Variants in MYO3B observed in about 807,000 individuals in gnomAD.
MYO3B encodes myosin-IIIb.
Under a neutral mutation model 174.6 loss-of-function variants are expected in MYO3B, and 156 were observed. The ratio of observed to expected loss-of-function variants is 0.89; its 90% CI spans 0.78 to 1.02. MYO3B has a LOEUF of 1.02. Ranked by LOEUF, MYO3B falls within the 50% of genes least tolerant of loss-of-function variation. The pLI, the probability that MYO3B is intolerant of heterozygous loss-of-function variation, is 0.00. For synonymous variants in MYO3B, 563 were observed against 569.1 expected (o/e 0.99, Z 0.15); for missense variants, 1,632 against 1,639.4 (o/e 1.00, Z 0.08).
chr2:170,324,323 G>A (rs962153703), intron 7 of MYO3B, among the ~76,000 whole-genome samples: 36 of 152,120 alleles, frequency 2.4e-4, no homozygotes, highest in Non-Finnish European at 1.3e-4. Context: ...TTTACAAAAG[G>A]ATGCCTCACA....
At chr2:170,317,879 C>T (rs2093786995) in intron 7 of MYO3B, among the ~76,000 whole-genome samples, 1 of 152,152 alleles carries the variant, frequency 6.6e-6, no homozygotes, top group Admixed American at 6.5e-5. Flanking sequence ...AAAATCTTCA[C>T]CATTTTCTAA....
intron 22 of MYO3B, among the ~76,000 whole-genome samples, chr2:170,416,855 G>A (rs113011657): frequency 0.17 from 22,631 of 133,316 alleles, 2,460 homozygotes; most frequent in East Asian, 0.55. Context: ...ACGGAGTCTC[G>A]CTCTGTTGCC....
chr2:170,276,138 G>A (rs772101456), intron 7 of MYO3B, among the ~76,000 whole-genome samples: 2 of 152,156 alleles, frequency 1.3e-5, no homozygotes, highest in Non-Finnish European at 2.9e-5. Context: ...ATCATGCAAA[G>A]AGCTGGTATC....
chr2:170,245,321 G>A (rs564059296), intron 7 of MYO3B, among the ~76,000 whole-genome samples: 2 of 152,210 alleles, frequency 1.3e-5, no homozygotes, highest in South Asian at 2.1e-4. Context: ...AATAGCCCAC[G>A]GTGAAAAATG....
At chr2:170,313,384 AT>A (rs540536829) in intron 7 of MYO3B, among the ~76,000 whole-genome samples, 29 of 152,218 alleles carry the variant, frequency 1.9e-4, no homozygotes, top group Non-Finnish European at 4.1e-4. Context: ...ACTAAAAAAA[AT>A]AAATAAATAA....
chr2:170,494,755 GAAAA>G (rs1196979153), intron 25 of MYO3B, among the ~76,000 whole-genome samples: 1 of 142,726 alleles, frequency 7.0e-6, no homozygotes, highest in Non-Finnish European at 1.5e-5. Context: ...AAAAGAAGAA[GAAAA>G]AAAAGAAAAA....
At chr2:170,214,964 A>T (rs942512654) in intron 5 of MYO3B, 136 bp downstream of exon 5, 5 of 634,396 alleles carry the variant, frequency 7.9e-6, no homozygotes, top group African/African-American at 3.6e-5. Flanking sequence ...CACAAGCTGG[A>T]GGGGGTGGGG....
chr2:170,447,815 G>C (rs899700642), intron 23 of MYO3B, among the ~76,000 whole-genome samples: 1 of 152,228 alleles, frequency 6.6e-6, no homozygotes, highest in Non-Finnish European at 1.5e-5. Flanking sequence ...TACTTTGGTA[G>C]GTAGGGGGCA....
chr2:170,227,768 T>C (rs769500586), intron 6 of MYO3B, among the ~76,000 whole-genome samples: 1 of 152,216 alleles, frequency 6.6e-6, no homozygotes, highest in Non-Finnish European at 1.5e-5. Flanking sequence ...ATTGATTTGC[T>C]TCCCTTCCTG....
intron 32 of MYO3B, among the ~76,000 whole-genome samples, chr2:170,626,125 C>T (rs933245056): frequency 4.6e-5 from 7 of 152,226 alleles, no homozygotes; most frequent in Middle Eastern, 3.4e-3. Flanking sequence ...CTTTCTGTCT[C>T]GTTGATCTGT....
chr2:170,463,957 A>G lies in MYO3B; in HGVS notation c.2808+512A>G, dbSNP rs1024537257. Among the ~76,000 whole-genome samples, 11 of 152,340 alleles carry G rather than the reference A, an allele frequency of 7.2e-5. 1 individual carries two copies. The highest frequency in any genetic ancestry group is 4.1e-4 in the South Asian group (2 of 4,828). On this transcript the variant is annotated intron_variant, in intron 24 of 34. Transcript: ENST00000408978. ...GCACATTATATAGCAAAGATAAGAC[A>G]TATACACTCTTGCACAGATTTGTTT...
intron 6 of MYO3B, among the ~76,000 whole-genome samples, chr2:170,224,705 C>T (rs976277199): frequency 6.6e-6 from 1 of 152,078 alleles, no homozygotes; most frequent in Non-Finnish European, 1.5e-5. Context: ...ATAAAATAAA[C>T]ATTTGCTTCT....
At chr2:170,329,325 A>AC (rs1161542907) in intron 7 of MYO3B, among the ~76,000 whole-genome samples, 16 of 151,822 alleles carry the variant, frequency 1.1e-4, no homozygotes, top group African/African-American at 3.9e-4. Context: ...AAAGAATATA[A>AC]CCCATACTGA....
At chr2:170,542,407 A>G (rs780190617) in intron 30 of MYO3B, among the ~76,000 whole-genome samples, 28 of 152,196 alleles carry the variant, frequency 1.8e-4, no homozygotes, top group African/African-American at 6.0e-4. Flanking sequence ...TATCTTTACT[A>G]TAGAGATCCA....
intron 25 of MYO3B, among the ~76,000 whole-genome samples, chr2:170,469,875 G>T (rs1174287329): frequency 6.6e-6 from 1 of 152,006 alleles, no homozygotes; most frequent in Non-Finnish European, 1.5e-5. Flanking sequence ...GGCTGAGGAG[G>T]GTGGATCACC....
intron 32 of MYO3B, among the ~76,000 whole-genome samples, chr2:170,561,556 C>A (rs1691712671): frequency 6.6e-6 from 1 of 152,216 alleles, no homozygotes; most frequent in African/African-American, 2.4e-5. Context: ...ACATTTTGCA[C>A]ATAAAATCCT....
intron 9 of MYO3B, among the ~76,000 whole-genome samples, chr2:170,370,624 T>TAC (rs55790344): frequency 0.054 from 7,022 of 129,198 alleles, 235 homozygotes; most frequent in Admixed American, 0.082. Flanking sequence ...ACCACCCACC[T>TAC]ACACACACAC....
chr2:170,499,519 A>G (rs1353166545), intron 26 of MYO3B, 127 bp from the exon 27 acceptor site: 38 of 866,534 alleles, frequency 4.4e-5, no homozygotes, highest in Middle Eastern at 7.2e-4. Flanking sequence ...TAATGTGAGC[A>G]TAAGTCACAT....
rs2093914299 is a variant in MYO3B, at chr2:170,331,902, C to CT, written c.750-3477dup. Among the ~76,000 whole-genome samples the CT allele has an allele frequency of 3.3e-5, 5 of 152,162 alleles. No individual in the cohort carries two copies. In the South Asian group the frequency reaches 1.0e-3, roughly 32 times the overall value. ...ATACGTTGAATCTCTCCTGCCTCTT[C>CT]TTTTTTCTTTCTGCCTCCCTCTTCC... is the stretch of plus-strand genomic sequence containing the variant. On this transcript the variant is annotated intron_variant, in intron 7 of 34. Coordinates refer to ENST00000408978, the MANE Select transcript of MYO3B (RefSeq NM_138995.5).
Sources: allele counts gnomAD v4.1 joint callset (sites outside exome capture counted in the v4.1 genomes callset), GRCh38; gene constraint gnomAD v4.1.1; transcripts MANE v1.5; gene names NCBI Gene and HGNC (gene_info 2026-07-23, HGNC 2026-07-21).